Variants in NSMCE2 observed in about 807,000 individuals in gnomAD.
NSMCE2 encodes the protein E3 SUMO-protein ligase NSE2.
NSMCE2 carries 24 observed loss-of-function variants against 23.8 expected under a neutral mutation model. The ratio of observed to expected loss-of-function variants is 1.01; its 90% CI spans 0.73 to 1.42. The LOEUF (loss-of-function observed/expected upper bound fraction) is 1.42, where lower values mean the gene tolerates loss of function less well. Among genes scored for constraint, NSMCE2 ranks in the 40% most tolerant of loss-of-function variants. The pLI, the probability that NSMCE2 is intolerant of heterozygous loss-of-function variation, is 0.00. For missense variants in NSMCE2, 284 were observed against 296.5 expected, an observed-to-expected ratio of 0.96 and a Z score of 0.31; for synonymous variants, 92 against 94.1, an observed-to-expected ratio of 0.98 and a Z score of 0.13.
intron 5 of NSMCE2, among the ~76,000 whole-genome samples, chr8:125,255,438 T>C (rs1341305999): frequency 2.0e-5 from 3 of 152,128 alleles, no homozygotes; most frequent in African/African-American, 4.8e-5. Context: ...CCTTCCTTCA[T>C]CATCAAGGAA....
At chr8:125,208,464 CA>C (rs988361905) in intron 5 of NSMCE2, among the ~76,000 whole-genome samples, 2 of 152,076 alleles carry the variant, frequency 1.3e-5, no homozygotes, top group Admixed American at 6.5e-5. Flanking sequence ...TTATACCCAA[CA>C]AATAATTTAT....
intron 5 of NSMCE2, among the ~76,000 whole-genome samples, chr8:125,243,826 G>A (rs1450975994): frequency 2.0e-5 from 3 of 152,280 alleles, no homozygotes; most frequent in East Asian, 1.9e-4. Context: ...TTAGGCATTA[G>A]AGGGGAAAAG....
At chr8:125,317,083 G>A (rs1829239632) in intron 5 of NSMCE2, among the ~76,000 whole-genome samples, 1 of 149,768 alleles carries the variant, frequency 6.7e-6, no homozygotes, top group Non-Finnish European at 1.5e-5. Context: ...CACCACTCCT[G>A]GCCTATTGTT....
chr8:125,332,923 C>G (rs1482913527), intron 5 of NSMCE2, among the ~76,000 whole-genome samples: 1 of 152,184 alleles, frequency 6.6e-6, no homozygotes, highest in Non-Finnish European at 1.5e-5. Context: ...TGGAAATCAT[C>G]CAGTTTGGGA....
At chr8:125,176,267 C>T (rs1013301781) in intron 4 of NSMCE2, among the ~76,000 whole-genome samples, 1 of 152,168 alleles carries the variant, frequency 6.6e-6, no homozygotes, top group African/African-American at 2.4e-5. Context: ...TCTCTAGTGA[C>T]TCAAAAATCT....
At chr8:125,320,397 C>G (rs1313394509) in intron 5 of NSMCE2, among the ~76,000 whole-genome samples, 1 of 151,592 alleles carries the variant, frequency 6.6e-6, no homozygotes, top group Non-Finnish European at 1.5e-5. Context: ...TTCACAAACC[C>G]TCAAAGAAAG....
intron 5 of NSMCE2, among the ~76,000 whole-genome samples, chr8:125,347,520 A>G (rs535100504): frequency 1.3e-5 from 2 of 152,336 alleles, no homozygotes; most frequent in Admixed American, 6.5e-5. Context: ...CTTTGTATCT[A>G]TACCTGGAAT....
chr8:125,162,404 G>A (rs1324094667), intron 4 of NSMCE2, among the ~76,000 whole-genome samples: 1 of 152,040 alleles, frequency 6.6e-6, no homozygotes, highest in Non-Finnish European at 1.5e-5. Context: ...GAATTAAACC[G>A]TTTTGGCTTT....
At chr8:125,306,260 G>A (rs1326937670) in intron 5 of NSMCE2, among the ~76,000 whole-genome samples, 1 of 152,014 alleles carries the variant, frequency 6.6e-6, no homozygotes, top group Admixed American at 6.6e-5. Flanking sequence ...AGCCCAGGAG[G>A]TTGAGGCTGC....
At position 125,366,908 on chromosome 8, in the gene NSMCE2, A is replaced by T; in HGVS notation, c.*23A>T. On this transcript the variant is annotated 3_prime_UTR_variant, in exon 8 of 8. Coordinates refer to ENST00000287437, the MANE Select transcript of NSMCE2 (RefSeq NM_173685.4). The stretch of plus-strand genomic sequence containing the variant: ...TAGGAAAAGCCACCTGCCTGCAGGG[A>T]CACCAGCAGCCTACCTCCTACCCCA... 7.4e-7 allele frequency: 1 copy of T among 1,353,134 alleles called. No individual in the cohort carries two copies. The allele number at this position is 1,353,134 out of a possible 1,614,324, so 83.8% of individuals were successfully genotyped here. A position where few individuals can be genotyped will look rare whatever the true frequency, so the allele number is the denominator to read the frequency against.
chr8:125,181,355 A>G (rs1204251742), intron 4 of NSMCE2, among the ~76,000 whole-genome samples: 1 of 152,120 alleles, frequency 6.6e-6, no homozygotes, highest in Non-Finnish European at 1.5e-5. Context: ...AAGGAGATGA[A>G]GATGTAATAA....
chr8:125,193,890 C>G (rs1295743404), intron 5 of NSMCE2, among the ~76,000 whole-genome samples: 1 of 152,156 alleles, frequency 6.6e-6, no homozygotes, highest in East Asian at 1.9e-4. Flanking sequence ...TCTGTTAACT[C>G]TCATCATCCC....
At chr8:125,293,358 A>G (rs1201074295) in intron 5 of NSMCE2, among the ~76,000 whole-genome samples, 2 of 152,168 alleles carry the variant, frequency 1.3e-5, no homozygotes, top group Non-Finnish European at 2.9e-5. Flanking sequence ...AATTTGAAGG[A>G]CATAATTGTA....
intron 5 of NSMCE2, among the ~76,000 whole-genome samples, chr8:125,232,417 A>C (rs1462899989): frequency 6.6e-6 from 1 of 152,172 alleles, no homozygotes; most frequent in East Asian, 1.9e-4. Context: ...GCACATGATA[A>C]GAATTATTGT....
intron 5 of NSMCE2, among the ~76,000 whole-genome samples, chr8:125,224,745 A>G (rs1165296566): frequency 6.6e-6 from 1 of 152,314 alleles, no homozygotes; most frequent in Non-Finnish European, 1.5e-5. Flanking sequence ...GCAATAAGGT[A>G]GGTAGATAGT....
chr8:125,157,680 G>A (rs1177927514), intron 4 of NSMCE2, among the ~76,000 whole-genome samples: 4 of 152,104 alleles, frequency 2.6e-5, no homozygotes, highest in Non-Finnish European at 4.4e-5. Flanking sequence ...CTTAGGTTTC[G>A]AAGTAACATA....
At chr8:125,099,356 G>A (rs546387891) in intron 1 of NSMCE2, among the ~76,000 whole-genome samples, 1 of 152,234 alleles carries the variant, frequency 6.6e-6, no homozygotes, top group South Asian at 2.1e-4. Flanking sequence ...AGAGAAGTAA[G>A]GGAATTGACC....
At chr8:125,326,966 A>AG (rs1011746884) in intron 5 of NSMCE2, among the ~76,000 whole-genome samples, 1 of 146,962 alleles carries the variant, frequency 6.8e-6, no homozygotes, top group Non-Finnish European at 1.5e-5. Flanking sequence ...CAAAAAAAAA[A>AG]AGAGAGAGAG....
chr8:125,191,457 G>C (rs1823340123), intron 5 of NSMCE2, among the ~76,000 whole-genome samples: 1 of 152,168 alleles, frequency 6.6e-6, no homozygotes, highest in African/African-American at 2.4e-5. Flanking sequence ...TGAATCATCT[G>C]TTTGGATCTT....
Sources: gnomAD v4.1 joint callset for allele counts (sites outside exome capture counted in the v4.1 genomes callset) on GRCh38, gnomAD v4.1.1 for gene constraint, MANE v1.5 for transcripts, NCBI Gene and HGNC (gene_info 2026-07-23, HGNC 2026-07-21) for gene names.